Variants in NCKAP1L observed in about 807,000 individuals in gnomAD.
NCKAP1L encodes nck-associated protein 1-like.
In NCKAP1L, 53 loss-of-function variants were observed where a neutral mutation model predicts 139.2. The observed-to-expected ratio is 0.38, with a 90% confidence interval of 0.31 to 0.48. The LOEUF is 0.48. Among genes scored for constraint, NCKAP1L ranks in the 20% least tolerant of loss-of-function variants. The pLI, the probability that NCKAP1L is intolerant of heterozygous loss-of-function variation, is 0.98. For missense variants in NCKAP1L, 1,151 were observed against 1,381.9 expected (o/e 0.83, Z 2.65); for synonymous variants, 468 against 499.7 (o/e 0.94, Z 0.85).
In NCKAP1L at chr12:54,509,755, C is replaced by A; in HGVS notation, c.593C>A (p.Thr198Lys). 1 of 1,614,186 alleles carries A rather than the reference C, an allele frequency of 6.2e-7. No homozygotes were observed. The highest frequency in any genetic ancestry group is 8.5e-7 in the Non-Finnish European group (1 of 1,180,002). Residue 198 changes from threonine to lysine, a missense_variant, in exon 6 of 31, where the codon ACA (threonine) becomes AAA (lysine). By Grantham distance (78) the Thr-to-Lys change is moderately conservative (BLOSUM62 -1). Transcript: ENST00000293373. ...CTGACAGAAGAGTTTGGGCCTCACACAAAGGCAAGTTCCCTGACAATGGAG... is the reference window on the plus strand; with the variant it reads ...CTGACAGAAGAGTTTGGGCCTCACAAAAAGGCAAGTTCCCTGACAATGGAG... ...KKLTEEFGPH[T>K]KAVSGALLSL... is the part of the protein sequence containing the mutation.
Position 54,518,901 on chromosome 12 carries a change from G to A in NCKAP1L, c.1421-13G>A, listed in dbSNP as rs369829672. ...GTTTATTGTTTCCTTTTATACTTCC[G>A]TTTTTCTTGCAGTTGATAATGGAGA... On this transcript the variant is annotated splice_polypyrimidine_tract_variant and intron_variant, in intron 14 of 30. Coordinates refer to ENST00000293373, the MANE Select transcript of NCKAP1L (RefSeq NM_005337.5). 101 of 1,612,134 alleles carry A rather than the reference G, an allele frequency of 6.3e-5. 1 individual carries two copies. The South Asian group carries it at 8.3e-4, about 13-fold the overall frequency.
intron 7 of NCKAP1L, among the ~76,000 whole-genome samples, chr12:54,510,869 G>T (rs1015867841): frequency 6.6e-6 from 1 of 152,050 alleles, no homozygotes; most frequent in Non-Finnish European, 1.5e-5. Context: ...GCCCAGGCTG[G>T]TCTTGAACTC....
rs116589288 is a variant in NCKAP1L, at chr12:54,540,964, G to T, written c.3274-1611G>T. On this transcript the variant is annotated intron_variant, in intron 30 of 30. Coordinates refer to ENST00000293373, the MANE Select transcript of NCKAP1L (RefSeq NM_005337.5). ...ACAGAGAAATTGGAAATGACCGAAG[G>T]TGAAGGAGCTGTATTCTGAGTTAAG... is the stretch of plus-strand genomic sequence containing the variant. 7.3e-3 allele frequency among the ~76,000 whole-genome samples: 1,119 copies of T among 152,338 alleles called. 17 individuals carry two copies. Among genetic ancestry groups the T allele is most frequent in the African/African-American group, 0.025 (1,021 of 41,570 alleles).
intron 16 of NCKAP1L, among the ~76,000 whole-genome samples, chr12:54,519,819 G>C (rs1471770866): frequency 1.1e-4 from 16 of 151,146 alleles, no homozygotes; most frequent in Non-Finnish European, 7.4e-5. Context: ...TCGCTTCTCT[G>C]GGGTAGTTAG....
Position 54,531,492 on chromosome 12 carries a change from A to G in NCKAP1L, c.2606A>G (p.Lys869Arg). The change falls in exon 24 of 31, where the codon AAG becomes AGG. Residue 869 changes from lysine to arginine, a missense_variant and splice_region_variant. Transcript: ENST00000293373. ...HVTSQIVELK[K>R]LVVENMDILV... The stretch of plus-strand genomic sequence containing the variant: ...TGTCTCTGTGTTCCTGGACTACAGA[A>G]GCTGGTGGTGGAAAACATGGACATA... 6.2e-7 allele frequency: 1 copy of G among 1,614,168 alleles called. No individual in the cohort carries two copies. Among genetic ancestry groups the G allele is most frequent in the Admixed American group, 1.7e-5 (1 of 60,024 alleles).
rs115651849 is a variant in NCKAP1L, at chr12:54,542,259, C to G, written c.3274-316C>G. ...TTACCTGCATCTGTGTGCTGCCCAC[C>G]CACATGTGATTTAGCATCCAGAATG... On this transcript the variant is annotated intron_variant, in intron 30 of 30. Coordinates refer to ENST00000293373, the MANE Select transcript of NCKAP1L (RefSeq NM_005337.5). Among the ~76,000 whole-genome samples the G allele has an allele frequency of 4.0e-3, 616 of 152,226 alleles. 5 individuals are homozygous for G. The highest frequency in any genetic ancestry group is 0.014 in the African/African-American group (566 of 41,522).
chr12:54,512,125 A>G lies in NCKAP1L; in HGVS notation c.941+20A>G, dbSNP rs201313651. ...GAAAGGGTGAGAGACACGAGAGCCA[A>G]ACTGATCTTCCTTGAATAGTTTTTA... On this transcript the variant is annotated intron_variant, in intron 9 of 30. Transcript: ENST00000293373. 3.3e-5 allele frequency: 54 copies of G among 1,612,252 alleles called. No individual in the cohort carries two copies. Among genetic ancestry groups the G allele is most frequent in the Non-Finnish European group, 4.2e-5 (49 of 1,179,202 alleles).
At chr12:54,516,400 T>G (rs1223382624) in intron 10 of NCKAP1L, 105 bp downstream of exon 10, 9 of 1,043,286 alleles carry the variant, frequency 8.6e-6, no homozygotes, top group Non-Finnish European at 1.3e-5. Context: ...CTTTATTGCC[T>G]CAACCCAAGA....
At chr12:54,525,666 T>A (rs1957020281) in intron 20 of NCKAP1L, among the ~76,000 whole-genome samples, 1 of 152,220 alleles carries the variant, frequency 6.6e-6, no homozygotes, top group Non-Finnish European at 1.5e-5. Context: ...TTCTGTATTA[T>A]CTTCCCTTAA....
chr12:54,521,948 T>A (rs1416740712), intron 18 of NCKAP1L, among the ~76,000 whole-genome samples: 1 of 152,052 alleles, frequency 6.6e-6, no homozygotes, highest in African/African-American at 2.4e-5. Context: ...TTACTTAACC[T>A]TTTTATTTTT....
rs573534943 is a variant in NCKAP1L, at chr12:54,503,633, T to A, written c.306+3008T>A. On this transcript the variant is annotated intron_variant, in intron 3 of 30. Coordinates refer to ENST00000293373, the MANE Select transcript of NCKAP1L (RefSeq NM_005337.5). ...TATATATATACACACACATATATAT[T>A]TTTTCTTTTCTTTTTTTTTTTTTTG... is the stretch of plus-strand genomic sequence containing the variant. Among the ~76,000 whole-genome samples the A allele has an allele frequency of 2.5e-3, 383 of 151,436 alleles. 5 individuals are homozygous for A. Among genetic ancestry groups the A allele is most frequent in the African/African-American group, 8.9e-3 (366 of 41,218 alleles).
chr12:54,526,759 T>C lies in NCKAP1L; in HGVS notation c.2375+13T>C, dbSNP rs1592348312. 2 of 1,608,440 alleles carry C rather than the reference T, an allele frequency of 1.2e-6. No homozygotes were observed. The highest frequency in any genetic ancestry group is 8.5e-7 in the Non-Finnish European group (1 of 1,175,962). On this transcript the variant is annotated intron_variant, in intron 21 of 30. Transcript: ENST00000293373. ...TCTACACAAACTGGTCAGTGTTGCT[T>C]AGGCTTTTCCACTGCCTTACTTTGT...
Position 54,528,300 on chromosome 12 carries a change from C to T in NCKAP1L, c.2429C>T (p.Pro810Leu). Residue 810 changes from proline to leucine, a missense_variant, in exon 22 of 31, where the codon CCA becomes CTA. Physicochemically the swap from Pro to Leu is moderately conservative, Grantham distance 98. Coordinates refer to ENST00000293373, the MANE Select transcript of NCKAP1L (RefSeq NM_005337.5). ...QASSGTIILS[P>L]AMQAFVSLPR... ...AGCAGTGGGACCATCATCCTCTCCC[C>T]AGCCATGCAGGCCTTCGTCAGCCTG... 9.9e-6 allele frequency: 16 copies of T among 1,614,044 alleles called. No homozygotes were observed. Among genetic ancestry groups the T allele is most frequent in the Non-Finnish European group, 1.3e-5 (15 of 1,179,958 alleles).
Position 54,523,389 on chromosome 12 carries a change from T to G in NCKAP1L, c.1879-5T>G. On this transcript the variant is annotated splice_region_variant and splice_polypyrimidine_tract_variant and intron_variant, in intron 18 of 30. Coordinates refer to ENST00000293373, the MANE Select transcript of NCKAP1L (RefSeq NM_005337.5). ...TTCTCCATTTACCTGTGTTTGTTTC[T>G]GAAGCTTCTACCTAAGCACTGTGCC... 1 of 1,606,934 alleles carries G rather than the reference T, an allele frequency of 6.2e-7. No homozygotes were observed. The highest frequency in any genetic ancestry group is 8.5e-7 in the Non-Finnish European group (1 of 1,178,010).
chr12:54,511,684 G>T, intron 7 of NCKAP1L, 119 bp from the exon 8 acceptor site: 3 of 1,041,548 alleles, frequency 2.9e-6, no homozygotes, highest in Non-Finnish European at 4.3e-6. Context: ...TGGGATTAAA[G>T]GCGTTAGCCA....
chr12:54,535,256 T>C, intron 27 of NCKAP1L, 59 bp downstream of exon 27: 3 of 1,296,738 alleles, frequency 2.3e-6, no homozygotes, highest in Non-Finnish European at 3.3e-6. Flanking sequence ...TTATTTTGGG[T>C]GAAAAAATGT....
Position 54,518,690 on chromosome 12 carries a change from T to C in NCKAP1L, c.1378T>C (p.Ser460Pro). The stretch of plus-strand genomic sequence containing the variant: ...TCCAGAGGAGGAGTCCATCATCATG[T>C]CCTCATTCGTCAGTATCCTCTCCTC... The part of the protein sequence containing the change: ...VCPEEESIIM[S>P]SFVSILSSLN... Residue 460 changes from serine to proline, a missense_variant, in exon 14 of 31, where the codon TCC becomes CCC. Coordinates refer to ENST00000293373, the MANE Select transcript of NCKAP1L (RefSeq NM_005337.5). 1 of 1,614,088 alleles carries C rather than the reference T, an allele frequency of 6.2e-7. No homozygotes were observed. Among genetic ancestry groups the C allele is most frequent in the South Asian group, 1.1e-5 (1 of 91,080 alleles).
rs1957211915 is a variant in NCKAP1L at position 54,547,889 on chromosome 12, G to C, written c.*5204G>C. The C allele has an allele frequency of 6.6e-6, 1 of 152,194 alleles. No individual in the cohort carries two copies. The highest frequency in any genetic ancestry group is 2.1e-4 in the South Asian group (1 of 4,824). The allele number at this position is 152,194 out of a possible 1,614,324, so 9.4% of individuals were successfully genotyped here. Reference sequence around the variant, plus strand: ...TGGGTCTGGGGAAAAGCCAAGGGATGTGTGCTAAAGGTAGATGGACAGAGG... The same window carrying C: ...TGGGTCTGGGGAAAAGCCAAGGGATCTGTGCTAAAGGTAGATGGACAGAGG... On this transcript the variant is annotated 3_prime_UTR_variant, in exon 31 of 31. Coordinates refer to ENST00000293373, the MANE Select transcript of NCKAP1L (RefSeq NM_005337.5).
intron 3 of NCKAP1L, chr12:54,500,827 G>A: frequency 2.1e-6 from 1 of 485,900 alleles, no homozygotes; most frequent in East Asian, 3.6e-5. Flanking sequence ...TTTTAAAAGA[G>A]TATGTATGTA....
Sources: allele counts gnomAD v4.1 joint callset (sites outside exome capture counted in the v4.1 genomes callset), GRCh38; gene constraint gnomAD v4.1.1; transcripts MANE v1.5; gene names NCBI Gene and HGNC (gene_info 2026-07-23, HGNC 2026-07-21).